ADGRL2: variants seen among roughly 807,000 people sequenced by gnomAD.
The protein encoded by ADGRL2 is adhesion G protein-coupled receptor L2.
ADGRL2 carries 44 observed loss-of-function variants against 157.4 expected under a neutral mutation model. The observed-to-expected ratio is 0.28, with a 90% CI of 0.22 to 0.36. ADGRL2 has a LOEUF of 0.36. Ranked by LOEUF, ADGRL2 falls within the 10% of genes least tolerant of loss-of-function variation. The probability of loss-of-function intolerance (pLI) is 1.00; values close to 1 mark genes in which losing one functional copy is unlikely to be tolerated. For synonymous variants in ADGRL2, 585 were observed against 624.7 expected (o/e 0.94, Z 0.95); for missense variants, 1,510 against 1,768.9 (o/e 0.85, Z 2.63).
At chr1:81,588,719 G>A (rs373342581) in intron 3 of ADGRL2, among the ~76,000 whole-genome samples, 5 of 152,064 alleles carry the variant, frequency 3.3e-5, no homozygotes, top group Non-Finnish European at 4.4e-5. Context: ...ACCAAGATGC[G>A]GCTCAACAGA....
chr1:81,571,592 C>T (rs1435877400), intron 2 of ADGRL2, among the ~76,000 whole-genome samples: 1 of 151,378 alleles, frequency 6.6e-6, no homozygotes, highest in South Asian at 2.1e-4. Context: ...AAATATTGTA[C>T]AATTTTAGGA....
intron 3 of ADGRL2, among the ~76,000 whole-genome samples, chr1:81,672,190 G>T (rs141468094): frequency 6.6e-6 from 1 of 152,234 alleles, no homozygotes; most frequent in South Asian, 2.1e-4. Context: ...CTAAAACTCT[G>T]CAGATTTCTA....
chr1:81,895,393 CTT>C (rs34557038), intron 2 of ADGRL2, among the ~76,000 whole-genome samples: 117 of 97,580 alleles, frequency 1.2e-3, no homozygotes, highest in African/African-American at 3.0e-3. Context: ...TTAAATGTAT[CTT>C]TTTTTTTTTT....
chr1:81,534,048 T>G (rs1020692641), intron 2 of ADGRL2, among the ~76,000 whole-genome samples: 3 of 152,254 alleles, frequency 2.0e-5, no homozygotes, highest in African/African-American at 7.2e-5. Context: ...ATTTGAATTC[T>G]GGTTGTGCTG....
chr1:81,820,604 T>TTTTC (rs2090888540), intron 1 of ADGRL2, among the ~76,000 whole-genome samples: 1 of 152,080 alleles, frequency 6.6e-6, no homozygotes, highest in Non-Finnish European at 1.5e-5. Context: ...TTTCTATTTT[T>TTTTC]TAAATTAGAG....
intron 1 of ADGRL2, among the ~76,000 whole-genome samples, chr1:81,412,809 A>G (rs1308023812): frequency 6.6e-6 from 1 of 152,224 alleles, no homozygotes; most frequent in Admixed American, 6.5e-5. Context: ...ACACATAGGA[A>G]ACATATGAGT....
At chr1:81,990,238 G>T (rs1664322369) in intron 23 of ADGRL2, 153 bp from the exon 24 acceptor site, 7 of 985,420 alleles carry the variant, frequency 7.1e-6, no homozygotes, top group Non-Finnish European at 8.4e-6. Context: ...ACTATTTACA[G>T]TTGGGAATGC....
intron 3 of ADGRL2, among the ~76,000 whole-genome samples, chr1:81,928,118 G>A (rs2095150326): frequency 6.6e-6 from 1 of 152,018 alleles, no homozygotes. Flanking sequence ...TATATGCTGT[G>A]TGTATAAAAT....
chr1:81,732,252 T>C (rs974604506), intron 1 of ADGRL2, among the ~76,000 whole-genome samples: 2 of 152,214 alleles, frequency 1.3e-5, no homozygotes, highest in Admixed American at 6.5e-5. Context: ...GATGTATTGC[T>C]GTAAAATCTC....
chr1:81,767,154 A>G (rs1029387365), intron 2 of ADGRL2, among the ~76,000 whole-genome samples: 13 of 152,176 alleles, frequency 8.5e-5, no homozygotes, highest in Non-Finnish European at 1.8e-4. Context: ...TTGAGTTTCA[A>G]CACTTTGAAG....
At chr1:81,317,451 C>G (rs899178119) in intron 1 of ADGRL2, among the ~76,000 whole-genome samples, 1 of 152,202 alleles carries the variant, frequency 6.6e-6, no homozygotes, top group Non-Finnish European at 1.5e-5. Context: ...TACCATCCCA[C>G]TGTATCCCTC....
chr1:81,932,727 C>G (rs1300006740), intron 3 of ADGRL2, among the ~76,000 whole-genome samples: 2 of 151,912 alleles, frequency 1.3e-5, no homozygotes, highest in Non-Finnish European at 2.9e-5. Flanking sequence ...GAGTTTCACT[C>G]TTGTTGCCCA....
intron 3 of ADGRL2, among the ~76,000 whole-genome samples, chr1:81,608,198 A>G (rs906981001): frequency 2.6e-5 from 4 of 152,134 alleles, no homozygotes; most frequent in Non-Finnish European, 5.9e-5. Context: ...TGCTTCAGGA[A>G]GGTTCACTGT....
intron 3 of ADGRL2, among the ~76,000 whole-genome samples, chr1:81,646,160 G>C (rs2148821481): frequency 6.6e-6 from 1 of 152,236 alleles, no homozygotes; most frequent in East Asian, 1.9e-4. Context: ...CTTCCCTACA[G>C]CTAAGTGTTT....
intron 3 of ADGRL2, among the ~76,000 whole-genome samples, chr1:81,610,692 A>C (rs571831265): frequency 6.6e-6 from 1 of 152,210 alleles, no homozygotes; most frequent in Non-Finnish European, 1.5e-5. Flanking sequence ...TTTGTGGTCC[A>C]TAAAAGAGAT....
At chr1:81,845,471 T>C (rs972800829) in intron 2 of ADGRL2, among the ~76,000 whole-genome samples, 3 of 152,006 alleles carry the variant, frequency 2.0e-5, no homozygotes, top group Non-Finnish European at 4.4e-5. Flanking sequence ...CCATGCACTT[T>C]ACCAGCAATG....
intron 2 of ADGRL2, among the ~76,000 whole-genome samples, chr1:81,891,448 C>T (rs2094261838): frequency 1.3e-5 from 2 of 152,162 alleles, no homozygotes; most frequent in Non-Finnish European, 2.9e-5. Flanking sequence ...CTCATAATTT[C>T]AGAAATATAT....
At chr1:81,564,841 A>G (rs1464745271) in intron 2 of ADGRL2, among the ~76,000 whole-genome samples, 2 of 152,116 alleles carry the variant, frequency 1.3e-5, no homozygotes, top group African/African-American at 4.8e-5. Context: ...TCTAGTCTAT[A>G]TGTCTGGCTG....
rs113156669 is a variant in ADGRL2, at chr1:81,684,189, G to A, written c.-142-77622G>A. Among the ~76,000 whole-genome samples the A allele has an allele frequency of 7.8e-3, 1,189 of 152,258 alleles. 12 individuals are homozygous for A. The highest frequency in any genetic ancestry group is 0.027 in the African/African-American group (1,118 of 41,554). ...GAATCAAATGGTAGTTCTACTTTCA[G>A]TTCTTTAAGGAATCTCCACTCTGTT... On this transcript the variant is annotated intron_variant, in intron 3 of 24. Coordinates refer to the ADGRL2 transcript ENST00000370721.
Sources: allele counts gnomAD v4.1 joint callset (sites outside exome capture counted in the v4.1 genomes callset), GRCh38; gene constraint gnomAD v4.1.1; transcripts MANE v1.5; gene names NCBI Gene and HGNC (gene_info 2026-07-23, HGNC 2026-07-21).